HIPK1: variants seen among roughly 807,000 people sequenced by gnomAD.
HIPK1 encodes homeodomain-interacting protein kinase 1.
A neutral mutation model predicts 117.1 loss-of-function variants in HIPK1; 28 were observed. The ratio of observed to expected loss-of-function variants is 0.24; its 90% CI spans 0.18 to 0.33. The LOEUF is 0.33. Ranked by LOEUF, HIPK1 falls within the 10% of genes least tolerant of loss-of-function variation. The pLI is 1.00. For missense variants in HIPK1, 1,122 were observed against 1,475.1 expected (o/e 0.76, Z 3.92); for synonymous variants, 605 against 562.5 (o/e 1.08, Z -1.07).
chr1:113,967,371 A>G (rs950479970), intron 11 of HIPK1, among the ~76,000 whole-genome samples: 20 of 152,026 alleles, frequency 1.3e-4, no homozygotes, highest in African/African-American at 4.8e-4. Flanking sequence ...TTTTTTCCAT[A>G]TCCTTGGCAG....
chr1:113,956,898 A>G, intron 6 of HIPK1, 87 bp downstream of exon 6: 1 of 1,234,686 alleles, frequency 8.1e-7, no homozygotes, highest in Admixed American at 2.1e-5. Context: ...TGAGCCCGCC[A>G]CTTTGGTGCT....
At chr1:113,967,640 G>T (rs756177776) in intron 11 of HIPK1, 126 bp from the exon 12 acceptor site, 1 of 516,620 alleles carries the variant, frequency 1.9e-6, no homozygotes, top group Non-Finnish European at 3.3e-6. Flanking sequence ...CTTATCAGAT[G>T]GTAGGTGCTC....
rs763972656 is a variant in HIPK1, at chr1:113,973,559, C to T, written c.*47C>T. 6.5e-6 allele frequency: 10 copies of T among 1,534,406 alleles called. No individual in the cohort carries two copies. The African/African-American group carries it at 1.2e-4, about 19-fold the overall frequency. On this transcript the variant is annotated 3_prime_UTR_variant, in exon 16 of 16. Coordinates refer to ENST00000426820, the MANE Select transcript of HIPK1 (RefSeq NM_198268.3). ...GAATCATGGCTACCTTCTCCTGGCC[C>T]TGCGTTCTTAATATTGGGCTATGGA...
At chr1:113,948,055 G>A (rs970387277) in intron 2 of HIPK1, among the ~76,000 whole-genome samples, 3 of 152,134 alleles carry the variant, frequency 2.0e-5, no homozygotes, top group Admixed American at 2.0e-4. Flanking sequence ...GAGGCCAAGA[G>A]GAAAGATGTA....
At position 113,969,845 on chromosome 1, in the gene HIPK1, C is replaced by T. The variant is rs561011011; in HGVS notation, c.2772-111C>T. 210 of 1,191,118 alleles carry T rather than the reference C, an allele frequency of 1.8e-4. No individual in the cohort carries two copies. The African/African-American group carries it at 1.8e-3, about 10-fold the overall frequency. The allele number at this position is 1,191,118 out of a possible 1,614,324, so 73.8% of individuals were successfully genotyped here. A position where few individuals can be genotyped will look rare whatever the true frequency, so the allele number is the denominator to read the frequency against. On this transcript the variant is annotated intron_variant, in intron 13 of 15. Transcript: ENST00000426820. ...TAGCTTGAGCCCAGGAGGTTGAGGTCGCAGCGAGCTGTGATCACTCCACTG... is the reference window on the plus strand; with the variant it reads ...TAGCTTGAGCCCAGGAGGTTGAGGTTGCAGCGAGCTGTGATCACTCCACTG...
At chr1:113,938,185 G>A (rs112509022) in intron 1 of HIPK1, among the ~76,000 whole-genome samples, 108 of 150,566 alleles carry the variant, frequency 7.2e-4, no homozygotes, top group African/African-American at 2.5e-3. Flanking sequence ...GCTCTGGCTG[G>A]TCTTGAACTC....
chr1:113,968,394 T>C (rs757515943), intron 12 of HIPK1, 48 bp from the exon 13 acceptor site: 5 of 1,355,876 alleles, frequency 3.7e-6, no homozygotes, highest in Non-Finnish European at 4.2e-6. Context: ...ATACACAATT[T>C]GGAAGGCCAA....
intron 15 of HIPK1, among the ~76,000 whole-genome samples, 183 bp from the exon 16 acceptor site, chr1:113,972,841 A>G (rs575099895): frequency 2.6e-5 from 4 of 152,308 alleles, no homozygotes; most frequent in Admixed American, 6.5e-5. Context: ...ATTAGGATCT[A>G]TCTTGCTAAG....
intron 2 of HIPK1, among the ~76,000 whole-genome samples, chr1:113,952,303 AAAAT>A (rs1208819971): frequency 6.6e-6 from 1 of 152,148 alleles, no homozygotes; most frequent in East Asian, 1.9e-4. Flanking sequence ...AATAATAAAA[AAAAT>A]CTATTATCCC....
chr1:113,937,705 T>A (rs1339556259), intron 1 of HIPK1, among the ~76,000 whole-genome samples: 1 of 152,086 alleles, frequency 6.6e-6, no homozygotes. Context: ...ATAAATACTT[T>A]CAAGTTAACA....
chr1:113,957,965 A>G (rs1490788549), intron 7 of HIPK1, 101 bp from the exon 8 acceptor site: 2 of 888,726 alleles, frequency 2.3e-6, no homozygotes, highest in East Asian at 5.2e-5. Flanking sequence ...ATTACATTTT[A>G]AAACATTATT....
intron 2 of HIPK1, among the ~76,000 whole-genome samples, chr1:113,945,437 A>G (rs911097693): frequency 2.0e-5 from 3 of 152,010 alleles, no homozygotes; most frequent in Admixed American, 6.6e-5. Context: ...ATTTTCCCCT[A>G]TGTTTTCTGC....
chr1:113,933,196 C>T, intron 1 of HIPK1: 1 of 985,090 alleles, frequency 1.0e-6, no homozygotes, highest in South Asian at 4.7e-5. Flanking sequence ...ACAGCCTCTG[C>T]CACACTGAAG....
intron 1 of HIPK1, among the ~76,000 whole-genome samples, chr1:113,936,674 A>C (rs1489122074): frequency 6.6e-6 from 1 of 152,224 alleles, no homozygotes; most frequent in Non-Finnish European, 1.5e-5. Context: ...CATGTTGGTC[A>C]GGTTGGTCTC....
intron 10 of HIPK1, among the ~76,000 whole-genome samples, chr1:113,965,423 G>C (rs1290384118): frequency 6.6e-6 from 1 of 151,848 alleles, no homozygotes; most frequent in African/African-American, 2.4e-5. Context: ...GTTTTTATGT[G>C]GAAATATTCC....
intron 7 of HIPK1, 127 bp downstream of exon 7, chr1:113,957,413 C>G: frequency 1.4e-6 from 1 of 703,916 alleles, no homozygotes; most frequent in African/African-American, 1.8e-5. Flanking sequence ...CTCCACTTGA[C>G]AAAAGTTGAT....
At chr1:113,929,865 G>T in intron 1 of HIPK1, 2 of 987,760 alleles carry the variant, frequency 2.0e-6, no homozygotes, top group Non-Finnish European at 2.4e-6. Context: ...CCGGCTGCGG[G>T]GCCCCAGATC....
chr1:113,957,233 AG>A lies in HIPK1; in HGVS notation c.1703del (p.Ser568ThrfsTer4). ...CACTACACATGTTGCCCCAAATACAAGCACAAATCTAACCATGAGCTTCAGC... is the reference window on the plus strand; with the variant it reads ...CACTACACATGTTGCCCCAAATACAACACAAATCTAACCATGAGCTTCAGC... The part of the protein sequence containing the change: ...PFTTHVAPNT[S>X]TNLTMSFSNQ... On this transcript the variant is annotated frameshift_variant, in exon 7 of 16. Transcript: ENST00000426820. LOFTEE classifies it high-confidence loss of function. 6.2e-7 allele frequency: 1 copy of A among 1,613,970 alleles called. No individual in the cohort carries two copies. Among genetic ancestry groups the A allele is most frequent in the Non-Finnish European group, 8.5e-7 (1 of 1,179,830 alleles).
intron 14 of HIPK1, 77 bp downstream of exon 14, chr1:113,970,274 T>G: frequency 2.0e-6 from 3 of 1,494,790 alleles, no homozygotes; most frequent in Non-Finnish European, 2.8e-6. Flanking sequence ...ATAATCCACT[T>G]ATATCAGTGG....
Sources: allele counts gnomAD v4.1 joint callset (sites outside exome capture counted in the v4.1 genomes callset), GRCh38; gene constraint gnomAD v4.1.1; transcripts MANE v1.5; gene names NCBI Gene and HGNC (gene_info 2026-07-23, HGNC 2026-07-21).